Variants in TSHZ2 observed in about 807,000 individuals in gnomAD.
TSHZ2 encodes the protein teashirt homolog 2.
In TSHZ2, 21 loss-of-function variants were observed where a neutral mutation model predicts 74.4. The ratio of observed to expected loss-of-function variants is 0.28; its 90% confidence interval spans 0.20 to 0.41. The LOEUF (loss-of-function observed/expected upper bound fraction) is 0.41, where lower values mean the gene tolerates loss of function less well. Among genes scored for constraint, TSHZ2 ranks in the 10% least tolerant of loss-of-function variants. The pLI is 1.00. For missense variants in TSHZ2, 1,244 were observed against 1,293.5 expected, an observed-to-expected ratio of 0.96 and a Z score of 0.59; for synonymous variants, 540 against 515.3, an observed-to-expected ratio of 1.05 and a Z score of -0.65.
In TSHZ2 at chr20:53,402,956, T is replaced by A. The variant is rs1982721055; in HGVS notation, c.*9-84188T>A. ...ATCAACTCCCAAATTTCAGCTTTTA[T>A]TTCAGATACACGGGGTACATGTGTA... On this transcript the variant is annotated intron_variant, in intron 2 of 2. Coordinates refer to ENST00000371497, the MANE Select transcript of TSHZ2 (RefSeq NM_173485.6). Among the ~76,000 whole-genome samples the A allele has an allele frequency of 2.0e-5, 3 of 152,174 alleles. No homozygotes were observed. In the South Asian group the frequency reaches 6.2e-4, roughly 32 times the overall value.
intron 2 of TSHZ2, among the ~76,000 whole-genome samples, chr20:53,343,220 G>A (rs1980292359): frequency 6.6e-6 from 1 of 152,028 alleles, no homozygotes; most frequent in African/African-American, 2.4e-5. Flanking sequence ...GCCCATCTCA[G>A]CCTCCCAAAG....
intron 1 of TSHZ2, among the ~76,000 whole-genome samples, chr20:53,088,661 C>G (rs1985773971): frequency 6.6e-6 from 1 of 152,140 alleles, no homozygotes; most frequent in Admixed American, 6.5e-5. Flanking sequence ...TTTCAGAAAC[C>G]TTTAAAACTT....
chr20:52,978,900 C>T (rs753507878), intron 1 of TSHZ2, among the ~76,000 whole-genome samples: 1 of 152,100 alleles, frequency 6.6e-6, no homozygotes, highest in Non-Finnish European at 1.5e-5. Context: ...AGTCTGCTTA[C>T]CCCAGAATAG....
At chr20:53,412,369 A>T (rs1193275535) in intron 2 of TSHZ2, among the ~76,000 whole-genome samples, 3 of 152,278 alleles carry the variant, frequency 2.0e-5, no homozygotes, top group African/African-American at 7.2e-5. Context: ...GTGCTCCAGG[A>T]GAATGATCAA....
Position 53,050,114 on chromosome 20 carries a change from T to C in TSHZ2, c.40+76781T>C, listed in dbSNP as rs1360316725. ...AAATGTATATGTGTGTATATATATA[T>C]ATATATATATACACATATATATATG... is the stretch of plus-strand genomic sequence containing the variant. On this transcript the variant is annotated intron_variant, in intron 1 of 2. Transcript: ENST00000371497. Among the ~76,000 whole-genome samples the C allele has an allele frequency of 4.4e-4, 50 of 113,340 alleles. No individual in the cohort carries two copies. In the South Asian group the frequency reaches 6.2e-3, roughly 14 times the overall value. 74.4% of individuals were successfully genotyped at this position (113,340 alleles called of 152,430 possible).
chr20:53,226,735 T>G (rs1989695762), intron 1 of TSHZ2, among the ~76,000 whole-genome samples: 1 of 152,146 alleles, frequency 6.6e-6, no homozygotes, highest in Non-Finnish European at 1.5e-5. Context: ...TCCTGTGTTA[T>G]CAGTGTTTAG....
Position 53,255,254 on chromosome 20 carries a change from A to C in TSHZ2, c.1796A>C (p.Gln599Pro). The part of the protein sequence containing the change: ...SMPTHLAPYT[Q>P]VKKESEDKDE... ...CCCACACACCTGGCCCCTTACACTC[A>C]AGTCAAGAAAGAGTCAGAAGACAAA... The change falls in exon 2 of 3, where the codon CAA (glutamine) becomes CCA (proline). Residue 599 changes from glutamine (Q) to proline (P), a missense_variant. Around this residue, in one of 6 missense-constraint regions of TSHZ2, gnomAD observed 562 missense variants for 544.0 expected, o/e 1.03. Transcript: ENST00000371497. This position sits in a 1 kb window ranked among gnomAD's most constrained non-coding sequence, Gnocchi z 4.1. 1.2e-6 allele frequency: 2 copies of C among 1,614,226 alleles called. No homozygotes were observed. Among genetic ancestry groups the C allele is most frequent in the Non-Finnish European group, 1.7e-6 (2 of 1,180,040 alleles).
At chr20:53,030,697 C>T (rs1450135848) in intron 1 of TSHZ2, among the ~76,000 whole-genome samples, 2 of 152,198 alleles carry the variant, frequency 1.3e-5, no homozygotes, top group East Asian at 3.8e-4. Context: ...AATACACATA[C>T]ATTGTAAAGT....
chr20:53,228,479 G>A (rs767648220), intron 1 of TSHZ2, among the ~76,000 whole-genome samples: 8 of 152,190 alleles, frequency 5.3e-5, no homozygotes, highest in Non-Finnish European at 1.2e-4. Context: ...CCAAAGCAGG[G>A]TTTCTCAACC....
intron 2 of TSHZ2, among the ~76,000 whole-genome samples, chr20:53,432,621 C>T (rs1007562335): frequency 6.6e-6 from 1 of 152,198 alleles, no homozygotes; most frequent in African/African-American, 2.4e-5. Context: ...TTCACTACAT[C>T]CATGCCAACA....
intron 2 of TSHZ2, among the ~76,000 whole-genome samples, chr20:53,423,411 A>G (rs532987274): frequency 2.6e-5 from 4 of 152,258 alleles, no homozygotes; most frequent in African/African-American, 9.6e-5. Flanking sequence ...AAAAAAGGCT[A>G]TGATATTTGA....
At chr20:53,349,666 AAG>A (rs1555853271) in intron 2 of TSHZ2, among the ~76,000 whole-genome samples, 2 of 151,650 alleles carry the variant, frequency 1.3e-5, no homozygotes, top group African/African-American at 4.8e-5. Context: ...AAAAAAAAAA[AAG>A]AAGTGTAGCT....
At chr20:53,363,375 ACAG>A (rs1981138011) in intron 2 of TSHZ2, among the ~76,000 whole-genome samples, 3 of 152,234 alleles carry the variant, frequency 2.0e-5, no homozygotes, top group Non-Finnish European at 4.4e-5. Flanking sequence ...ATTGAGTGTA[ACAG>A]GGTTCAAAGC....
intron 2 of TSHZ2, among the ~76,000 whole-genome samples, chr20:53,380,364 T>C (rs1981814887): frequency 6.6e-6 from 1 of 152,198 alleles, no homozygotes; most frequent in Admixed American, 6.5e-5. Context: ...ACATCCATGA[T>C]AGTATGAATT....
At chr20:53,297,688 A>C (rs1416108153) in intron 2 of TSHZ2, among the ~76,000 whole-genome samples, 1 of 152,226 alleles carries the variant, frequency 6.6e-6, no homozygotes, top group African/African-American at 2.4e-5. Flanking sequence ...ATCATTTATT[A>C]ACTCTATGAC....
chr20:53,132,899 G>T (rs548241762), intron 1 of TSHZ2, among the ~76,000 whole-genome samples: 20 of 152,056 alleles, frequency 1.3e-4, no homozygotes, highest in African/African-American at 4.1e-4. Context: ...TTGTCTTCTT[G>T]CTTCCTTCAT....
intron 2 of TSHZ2, among the ~76,000 whole-genome samples, chr20:53,472,276 G>C (rs1220189007): frequency 6.6e-6 from 1 of 152,214 alleles, no homozygotes; most frequent in Non-Finnish European, 1.5e-5. Flanking sequence ...GGCCTGAATT[G>C]TGTGCACAAT....
At chr20:53,084,613 TCCAA>T (rs1985632865) in intron 1 of TSHZ2, among the ~76,000 whole-genome samples, 1 of 150,594 alleles carries the variant, frequency 6.6e-6, no homozygotes, top group Non-Finnish European at 1.5e-5. Flanking sequence ...TTTCTTCCTT[TCCAA>T]CCAAACTTCC....
intron 2 of TSHZ2, among the ~76,000 whole-genome samples, chr20:53,485,975 G>A (rs6091687): frequency 0.21 from 31,811 of 151,994 alleles, 3,601 homozygotes; most frequent in East Asian, 0.3. Flanking sequence ...ACATAACAAT[G>A]TCCATCTACA....
Sources: allele counts gnomAD v4.1 joint callset (sites outside exome capture counted in the v4.1 genomes callset), GRCh38; gene constraint gnomAD v4.1.1; regional missense constraint gnomAD v4.1.1; non-coding constraint Gnocchi (gnomAD v3.1); transcripts MANE v1.5; gene names NCBI Gene and HGNC (gene_info 2026-07-23, HGNC 2026-07-21).